Variants in PTK2B observed in about 807,000 individuals in gnomAD.
PTK2B encodes the protein protein-tyrosine kinase 2-beta.
In PTK2B, 71 loss-of-function variants were observed where a neutral mutation model predicts 142.9. The observed-to-expected ratio is 0.50, with a 90% CI of 0.41 to 0.61. The LOEUF (loss-of-function observed/expected upper bound fraction) is 0.61, where lower values mean the gene tolerates loss of function less well. PTK2B is among the 20% of genes least tolerant of loss of function. The pLI is 0.00. For synonymous variants in PTK2B, 519 were observed against 503.4 expected, an observed-to-expected ratio of 1.03 and a Z score of -0.42; for missense variants, 1,105 against 1,320.4, an observed-to-expected ratio of 0.84 and a Z score of 2.53.
At position 27,450,775 on chromosome 8, in the gene PTK2B, C is replaced by G. The variant is rs754583505; in HGVS notation, c.2367C>G (p.Ser789Arg). The G allele has an allele frequency of 6.2e-7, 1 of 1,614,194 alleles. No individual in the cohort carries two copies. The highest frequency in any genetic ancestry group is 2.2e-5 in the East Asian group (1 of 44,876). Residue 789 changes from serine (S) to arginine (R), a missense_variant, in exon 25 of 31, where the codon AGC becomes AGG. Transcript: ENST00000346049. ...AGGAGGACTTCATCCAACCCAGCAG[C>G]CGAGAAGAGGCCCAGCAGCTGTGGG... Reference protein sequence around the residue: ...MREEDFIQPSSREEAQQLWEA... With the variant: ...MREEDFIQPSRREEAQQLWEA...
chr8:27,324,639 C>G (rs1803312100), upstream of PTK2B, among the ~76,000 whole-genome samples: 1 of 152,230 alleles, frequency 6.6e-6, no homozygotes, highest in South Asian at 2.1e-4. Context: ...GAATAGCATC[C>G]TCTAGAATTG....
At chr8:27,444,964 A>G (rs1389025948) in intron 23 of PTK2B, among the ~76,000 whole-genome samples, 1 of 152,220 alleles carries the variant, frequency 6.6e-6, no homozygotes, top group Non-Finnish European at 1.5e-5. Flanking sequence ...CTGAGTGCCA[A>G]AACAAGACCA....
In PTK2B at chr8:27,451,075, A is replaced by C. The variant is rs758349776; in HGVS notation, c.2520A>C (p.Pro840=). 6.2e-7 allele frequency: 1 copy of C among 1,612,458 alleles called. No individual in the cohort carries two copies. Among genetic ancestry groups the C allele is most frequent in the South Asian group, 1.1e-5 (1 of 91,044 alleles). ...DPMVYMNDKS[P]LTPEKEVGYL... is the part of the protein sequence containing the mutation. Reference sequence around the variant, plus strand: ...TGGTTTATATGAATGATAAGTCCCCATTGGTGAGTTGCCAGGAGAGGCCGC... The same window carrying C: ...TGGTTTATATGAATGATAAGTCCCCCTTGGTGAGTTGCCAGGAGAGGCCGC... Residue 840 remains proline (P), a synonymous_variant, in exon 26 of 31, where the codon CCA becomes CCC. Coordinates refer to ENST00000346049, the MANE Select transcript of PTK2B (RefSeq NM_173176.3).
chr8:27,350,990 A>AATATATATATATATATAT (rs1161548916), intron 1 of PTK2B, among the ~76,000 whole-genome samples: 2 of 12,090 alleles, frequency 1.7e-4, no homozygotes, highest in Non-Finnish European at 3.1e-4. Context: ...AAAAAAAAAA[A>AATATATATATATATATAT]ATATATATAT....
intron 3 of PTK2B, among the ~76,000 whole-genome samples, chr8:27,313,594 C>T (rs1312046135): frequency 2.0e-5 from 3 of 152,112 alleles, no homozygotes; most frequent in African/African-American, 7.2e-5. Context: ...GTGAGCTGCC[C>T]GAATGCACAG....
At chr8:27,351,629 C>T (rs1280730002) in intron 1 of PTK2B, among the ~76,000 whole-genome samples, 1 of 152,154 alleles carries the variant, frequency 6.6e-6, no homozygotes, top group Non-Finnish European at 1.5e-5. Context: ...TAAAAGTGTA[C>T]TAATGCCTCC....
chr8:27,435,597 C>T, intron 13 of PTK2B, 146 bp from the exon 14 acceptor site: 1 of 921,828 alleles, frequency 1.1e-6, no homozygotes, highest in South Asian at 1.5e-5. Flanking sequence ...ACTCTAAAAC[C>T]TGGGCTGGGA....
Position 27,395,085 on chromosome 8 carries a change from G to A in PTK2B, c.-37-2463G>A, listed in dbSNP as rs1348592108. Reference sequence around the variant, plus strand: ...CAGTTAACTTTTTTTTTTATAAGTAGAAGGAGTATACTCTAAAATAATGAT... The same window carrying A: ...CAGTTAACTTTTTTTTTTATAAGTAAAAGGAGTATACTCTAAAATAATGAT... On this transcript the variant is annotated intron_variant, in intron 1 of 30. Transcript: ENST00000346049. Among the ~76,000 whole-genome samples the A allele has an allele frequency of 2.0e-5, 3 of 152,034 alleles. No individual in the cohort carries two copies. The East Asian group carries it at 5.8e-4, about 29-fold the overall frequency.
intron 1 of PTK2B, among the ~76,000 whole-genome samples, chr8:27,377,988 T>C (rs1806775139): frequency 6.6e-6 from 1 of 152,232 alleles, no homozygotes; most frequent in East Asian, 1.9e-4. Flanking sequence ...CATCCCTACC[T>C]TTGGTTCCCT....
At chr8:27,366,756 G>T (rs1806040841) in intron 1 of PTK2B, among the ~76,000 whole-genome samples, 1 of 152,168 alleles carries the variant, frequency 6.6e-6, no homozygotes, top group Admixed American at 6.5e-5. Context: ...GAGAGGACCA[G>T]CTCTGAGACT....
chr8:27,417,184 C>T (rs1440111201), intron 2 of PTK2B, among the ~76,000 whole-genome samples: 4 of 152,104 alleles, frequency 2.6e-5, no homozygotes, highest in Non-Finnish European at 5.9e-5. Context: ...AGAAATAGTC[C>T]AGGTGTTCGG....
intron 30 of PTK2B, among the ~76,000 whole-genome samples, chr8:27,456,517 C>T (rs1388231774): frequency 6.6e-6 from 1 of 152,160 alleles, no homozygotes; most frequent in Non-Finnish European, 1.5e-5. Context: ...ATTTCCCTAT[C>T]CTCTCCTTGG....
At chr8:27,340,816 T>C (rs1804351097) in intron 1 of PTK2B, among the ~76,000 whole-genome samples, 1 of 152,132 alleles carries the variant, frequency 6.6e-6, no homozygotes. Flanking sequence ...TGCTTGGGCA[T>C]TGAAGCTGTC....
At chr8:27,405,035 C>CTCTCTCTCTCTCTCTCTCT (rs3076735) in intron 2 of PTK2B, among the ~76,000 whole-genome samples, 1 of 119,566 alleles carries the variant, frequency 8.4e-6, no homozygotes, top group African/African-American at 3.5e-5. Context: ...TCTTTCTCTT[C>CTCTCTCTCTCTCTCTCTCT]CTCTCTCTCT....
rs150382359 is a variant in PTK2B, at chr8:27,413,988, T to G, written c.205-5907T>G. On this transcript the variant is annotated intron_variant, in intron 2 of 30. Coordinates refer to ENST00000346049, the MANE Select transcript of PTK2B (RefSeq NM_173176.3). The stretch of plus-strand genomic sequence containing the variant: ...ATGTAACTCATTCCTATCATATATT[T>G]TAATACTTAAGTAATCCTAGATGTG... Among the ~76,000 whole-genome samples, 658 of 152,354 alleles carry G rather than the reference T, an allele frequency of 4.3e-3. 4 individuals are homozygous for G. Among genetic ancestry groups the G allele is most frequent in the African/African-American group, 0.014 (599 of 41,578 alleles).
rs1201499143 is a variant in PTK2B, at chr8:27,453,909, A to G, written c.2596-245A>G. The G allele has an allele frequency of 8.2e-6, 4 of 489,526 alleles. No homozygotes were observed. In the Admixed American group the frequency reaches 1.2e-4, roughly 15 times the overall value. 30.3% of individuals were successfully genotyped at this position (489,526 alleles called of 1,614,324 possible). On this transcript the variant is annotated intron_variant, in intron 28 of 30. Transcript: ENST00000346049. ...AAAAGCCTGCCTGCACCCTATGTCC[A>G]GGTGGTGGTTCTAATAGTCTGTTGT...
At chr8:27,387,698 T>A (rs1807457516) in intron 1 of PTK2B, among the ~76,000 whole-genome samples, 1 of 152,194 alleles carries the variant, frequency 6.6e-6, no homozygotes, top group African/African-American at 2.4e-5. Context: ...CAACACTACA[T>A]TAACTTTTTT....
chr8:27,381,762 T>A (rs1807037675), intron 1 of PTK2B, among the ~76,000 whole-genome samples: 1 of 152,242 alleles, frequency 6.6e-6, no homozygotes, highest in Admixed American at 6.5e-5. Context: ...TATACTAATT[T>A]ACATTCCCAC....
At chr8:27,431,199 G>A in intron 8 of PTK2B, 183 bp downstream of exon 8, 7 of 1,470,198 alleles carry the variant, frequency 4.8e-6, no homozygotes, top group East Asian at 4.8e-5. Context: ...GCACTGAAAT[G>A]TTGGCCTCCA....
Sources: allele counts gnomAD v4.1 joint callset (sites outside exome capture counted in the v4.1 genomes callset), GRCh38; gene constraint gnomAD v4.1.1; transcripts MANE v1.5; gene names NCBI Gene and HGNC (gene_info 2026-07-23, HGNC 2026-07-21).